ELMO1: variants seen among roughly 807,000 people sequenced by gnomAD.
ELMO1 encodes the protein engulfment and cell motility protein 1.
Under a neutral mutation model 98.9 loss-of-function variants are expected in ELMO1, and 26 were observed. The observed-to-expected ratio is 0.26, with a 90% CI of 0.19 to 0.36. The LOEUF is 0.36. Ranked by LOEUF, ELMO1 falls within the 10% of genes least tolerant of loss-of-function variation. The pLI is 1.00. For missense variants in ELMO1, 627 were observed against 935.2 expected (o/e 0.67, Z 4.30); for synonymous variants, 346 against 346.0 (o/e 1.00, Z 0.00).
At chr7:37,328,439 G>A (rs77499304) in intron 2 of ELMO1, among the ~76,000 whole-genome samples, 4,052 of 136,978 alleles carry the variant, frequency 0.03, 271 homozygotes, top group East Asian at 0.25. Flanking sequence ...AAGCCTCACA[G>A]CACATGGAAG....
intron 13 of ELMO1, among the ~76,000 whole-genome samples, chr7:37,145,353 G>A (rs1166113089): frequency 6.6e-6 from 1 of 152,180 alleles, no homozygotes; most frequent in Admixed American, 6.5e-5. Context: ...TGGTTCCCAG[G>A]TGCACATGCA....
At chr7:37,231,829 G>A (rs1285567851) in intron 8 of ELMO1, among the ~76,000 whole-genome samples, 1 of 152,114 alleles carries the variant, frequency 6.6e-6, no homozygotes, top group East Asian at 1.9e-4. Flanking sequence ...CTGGATGAAG[G>A]GCTTATAGGA....
intron 4 of ELMO1, among the ~76,000 whole-genome samples, chr7:37,282,297 C>G (rs773570385): frequency 6.6e-6 from 1 of 152,228 alleles, no homozygotes; most frequent in Non-Finnish European, 1.5e-5. Flanking sequence ...TTCTCACTCC[C>G]TCTCCATCCT....
chr7:37,358,164 A>G (rs1801564108), intron 1 of ELMO1, among the ~76,000 whole-genome samples: 1 of 152,202 alleles, frequency 6.6e-6, no homozygotes, highest in Non-Finnish European at 1.5e-5. Flanking sequence ...AAAGCTGGTA[A>G]GAGGAAAATA....
chr7:37,174,577 T>C (rs1476141877), intron 13 of ELMO1, among the ~76,000 whole-genome samples: 3 of 152,170 alleles, frequency 2.0e-5, no homozygotes, highest in Non-Finnish European at 4.4e-5. Flanking sequence ...AGAGCTCTTG[T>C]AATCCAGCAT....
At chr7:37,438,730 G>T (rs1040252185) in intron 1 of ELMO1, among the ~76,000 whole-genome samples, 3 of 152,152 alleles carry the variant, frequency 2.0e-5, no homozygotes, top group Admixed American at 6.5e-5. Context: ...GAAGAGGTGG[G>T]GACTTATATT....
intron 13 of ELMO1, among the ~76,000 whole-genome samples, chr7:37,187,944 C>G (rs985712476): frequency 1.3e-5 from 2 of 152,054 alleles, no homozygotes; most frequent in Non-Finnish European, 2.9e-5. Context: ...ATCTAAAGGA[C>G]TCCAGTTAGT....
At chr7:37,110,913 A>G (rs945992963) in intron 14 of ELMO1, among the ~76,000 whole-genome samples, 4 of 152,172 alleles carry the variant, frequency 2.6e-5, no homozygotes, top group African/African-American at 9.7e-5. Context: ...ATTTTTTGGT[A>G]AGCTCTTTGG....
intron 6 of ELMO1, among the ~76,000 whole-genome samples, chr7:37,250,315 T>A (rs947938784): frequency 3.3e-5 from 5 of 152,164 alleles, no homozygotes; most frequent in African/African-American, 1.2e-4. Flanking sequence ...AAAAGCAGGT[T>A]ATAAAAACAT....
intron 1 of ELMO1, among the ~76,000 whole-genome samples, chr7:37,359,911 C>G (rs1180597828): frequency 6.6e-6 from 1 of 152,132 alleles, no homozygotes; most frequent in African/African-American, 2.4e-5. Flanking sequence ...AGTCTGTGGA[C>G]AGGAATCAGT....
intron 4 of ELMO1, among the ~76,000 whole-genome samples, chr7:37,295,620 T>C (rs1018975944): frequency 3.9e-5 from 6 of 152,196 alleles, no homozygotes; most frequent in African/African-American, 1.4e-4. Context: ...GTTACATTCT[T>C]ACAACAACCA....
Position 37,242,722 on chromosome 7 carries a change from C to T in ELMO1, c.449+1634G>A, listed in dbSNP as rs955694680. Among the ~76,000 whole-genome samples the T allele has an allele frequency of 5.3e-5, 8 of 152,212 alleles. No individual in the cohort carries two copies. The South Asian group carries it at 6.2e-4, about 12-fold the overall frequency. On this transcript the variant is annotated intron_variant, in intron 7 of 21. Coordinates refer to ENST00000310758, the MANE Select transcript of ELMO1 (RefSeq NM_014800.11). ...CACTTCAGTGATCAGCAGTGGACTG[C>T]GACAGGGTTTACATGTGGATGTGGA...
intron 16 of ELMO1, among the ~76,000 whole-genome samples, chr7:37,012,379 C>T (rs553026839): frequency 2.2e-4 from 34 of 152,296 alleles, no homozygotes; most frequent in African/African-American, 6.5e-4. Flanking sequence ...GCACCAAGCA[C>T]GCCCATGAAA....
intron 15 of ELMO1, among the ~76,000 whole-genome samples, chr7:37,037,367 G>A (rs1303340430): frequency 6.6e-6 from 1 of 152,120 alleles, no homozygotes; most frequent in Admixed American, 6.5e-5. Context: ...TCCCTCCCCA[G>A]GTCAAGCCAA....
chr7:37,194,268 T>C (rs1306074816), intron 13 of ELMO1, among the ~76,000 whole-genome samples: 1 of 152,172 alleles, frequency 6.6e-6, no homozygotes, highest in Non-Finnish European at 1.5e-5. Flanking sequence ...TGACAGTAAT[T>C]CAAATGTCCT....
intron 14 of ELMO1, among the ~76,000 whole-genome samples, chr7:37,128,609 T>C (rs574898936): frequency 6.6e-6 from 1 of 152,250 alleles, no homozygotes; most frequent in South Asian, 2.1e-4. Context: ...TATTCAAATA[T>C]AACATGAGAA....
intron 4 of ELMO1, among the ~76,000 whole-genome samples, chr7:37,293,163 G>C (rs1165912315): frequency 9.2e-5 from 7 of 76,280 alleles, no homozygotes; most frequent in Admixed American, 3.8e-4. Flanking sequence ...GCCTGGCCGC[G>C]CCTACTGGGA....
chr7:36,954,656 A>C (rs1788293117), intron 16 of ELMO1, among the ~76,000 whole-genome samples: 1 of 152,042 alleles, frequency 6.6e-6, no homozygotes, highest in Admixed American at 6.6e-5. Flanking sequence ...GGGTGCCTGC[A>C]TTTTTTCTCA....
In ELMO1 at chr7:37,273,761, T is replaced by C. The variant is rs895647940; in HGVS notation, c.193-1879A>G. On this transcript the variant is annotated intron_variant, in intron 4 of 21. Coordinates refer to ENST00000310758, the MANE Select transcript of ELMO1 (RefSeq NM_014800.11). ...TTCAGGATCACTACCCTGCATAATT[T>C]AAGACGAGCCACAAGCTGGAGTTTG... Among the ~76,000 whole-genome samples, 11 of 152,146 alleles carry C rather than the reference T, an allele frequency of 7.2e-5. 1 individual carries two copies. Among genetic ancestry groups the C allele is most frequent in the Admixed American group, 2.0e-4 (3 of 15,288 alleles).
Sources: allele counts gnomAD v4.1 joint callset (sites outside exome capture counted in the v4.1 genomes callset), GRCh38; gene constraint gnomAD v4.1.1; transcripts MANE v1.5; gene names NCBI Gene and HGNC (gene_info 2026-07-23, HGNC 2026-07-21).